The following ZFAT variants were observed in gnomAD, a reference collection of about 807,000 sequenced individuals.
ZFAT encodes zinc finger and AT-hook domain containing.
ZFAT carries 64 observed loss-of-function variants against 117.7 expected under a neutral mutation model. That is an observed-to-expected ratio of 0.54 (90% CI 0.44 to 0.67). The LOEUF is 0.67. Ranked by LOEUF, ZFAT falls within the 30% of genes least tolerant of loss-of-function variation. The pLI is 0.00. For missense variants in ZFAT, 1,433 were observed against 1,584.5 expected (o/e 0.90, Z 1.62); for synonymous variants, 679 against 615.0 (o/e 1.10, Z -1.54).
chr8:134,559,972 A>G (rs889553310), intron 11 of ZFAT, among the ~76,000 whole-genome samples: 1 of 152,248 alleles, frequency 6.6e-6, no homozygotes, highest in African/African-American at 2.4e-5. Context: ...TGTCCAGTCA[A>G]TATTTTTTTC....
chr8:134,820,278 G>A, the ZFAT span, among the ~76,000 whole-genome samples: 11 of 152,192 alleles, frequency 7.2e-5, no homozygotes, highest in African/African-American at 2.4e-4. Context: ...GCCTAGGGAT[G>A]AGATGGAGGT....
chr8:134,605,081 C>T (rs1312170790), intron 5 of ZFAT, among the ~76,000 whole-genome samples: 5 of 152,198 alleles, frequency 3.3e-5, no homozygotes, highest in African/African-American at 9.7e-5. Context: ...AGGTTCCCCT[C>T]GAGGATAGTG....
intron 11 of ZFAT, among the ~76,000 whole-genome samples, chr8:134,550,519 A>G (rs1356674819): frequency 1.3e-5 from 2 of 152,220 alleles, no homozygotes. Flanking sequence ...TCATCACAAT[A>G]AATAACAGTA....
intron 1 of ZFAT, among the ~76,000 whole-genome samples, chr8:134,663,926 T>A (rs936780426): frequency 1.3e-5 from 2 of 152,154 alleles, no homozygotes; most frequent in Admixed American, 6.5e-5. Context: ...GCCTGGCACA[T>A]GATAGGTGTT....
the ZFAT span, among the ~76,000 whole-genome samples, chr8:134,831,319 G>T: frequency 6.6e-6 from 1 of 152,214 alleles, no homozygotes; most frequent in South Asian, 2.1e-4. Context: ...CACAAGTGAA[G>T]AACTCATGTC....
intron 13 of ZFAT, among the ~76,000 whole-genome samples, chr8:134,519,251 T>G (rs796407563): frequency 2.6e-4 from 39 of 152,338 alleles, no homozygotes; most frequent in African/African-American, 8.7e-4. Context: ...AACATCTTTA[T>G]GATATTGAGT....
intron 1 of ZFAT, among the ~76,000 whole-genome samples, chr8:134,710,278 C>T (rs1300993031): frequency 6.6e-6 from 1 of 152,182 alleles, no homozygotes; most frequent in Non-Finnish European, 1.5e-5. Flanking sequence ...AGGAAGGGCC[C>T]TCATGCAAGT....
At chr8:134,486,761 A>T (rs1586560020) in intron 15 of ZFAT, among the ~76,000 whole-genome samples, 1 of 152,202 alleles carries the variant, frequency 6.6e-6, no homozygotes, top group East Asian at 1.9e-4. Flanking sequence ...GAATGTAGTG[A>T]GCACCACGAT....
the ZFAT span, among the ~76,000 whole-genome samples, chr8:134,751,795 G>A: frequency 6.6e-6 from 1 of 152,124 alleles, no homozygotes; most frequent in Admixed American, 6.5e-5. Context: ...AAATATAAGA[G>A]AGAGAGAAGT....
intron 15 of ZFAT, among the ~76,000 whole-genome samples, chr8:134,488,598 CTT>C (rs1358516377): frequency 1.3e-5 from 2 of 152,234 alleles, no homozygotes; most frequent in Admixed American, 6.5e-5. Flanking sequence ...TAGGCCCTCT[CTT>C]CTGTCCACTG....
At chr8:134,697,217 C>T (rs1337107461) in intron 1 of ZFAT, among the ~76,000 whole-genome samples, 2 of 152,080 alleles carry the variant, frequency 1.3e-5, no homozygotes, top group African/African-American at 4.8e-5. Context: ...CTGGTTCAAG[C>T]AATTATCCGC....
the ZFAT span, among the ~76,000 whole-genome samples, chr8:134,808,464 C>T: frequency 6.6e-6 from 1 of 152,180 alleles, no homozygotes; most frequent in African/African-American, 2.4e-5. Flanking sequence ...AATACCAAAT[C>T]CTGATCAGGC....
the ZFAT span, chr8:134,723,753 G>C: frequency 6.6e-6 from 1 of 152,146 alleles, no homozygotes; most frequent in South Asian, 2.1e-4. Context: ...ACAACTTGAC[G>C]AACACACATT....
At chr8:134,704,408 T>C (rs555100391) in intron 1 of ZFAT, among the ~76,000 whole-genome samples, 2 of 152,246 alleles carry the variant, frequency 1.3e-5, no homozygotes, top group South Asian at 4.2e-4. Context: ...GAAACAAACA[T>C]GGATGGAATG....
the ZFAT span, among the ~76,000 whole-genome samples, chr8:134,721,080 C>T: frequency 5.1e-4 from 77 of 152,274 alleles, no homozygotes; most frequent in Non-Finnish European, 9.1e-4. Flanking sequence ...CTCTATCATC[C>T]ACTTGTCCAG....
intron 11 of ZFAT, among the ~76,000 whole-genome samples, chr8:134,558,603 T>C (rs571913460): frequency 1.3e-3 from 204 of 152,328 alleles, no homozygotes; most frequent in Non-Finnish European, 2.4e-3. Context: ...TAGAGTGAGC[T>C]ATTTTTAAAC....
At chr8:134,504,224 C>A (rs1057355420) in intron 15 of ZFAT, among the ~76,000 whole-genome samples, 15 of 152,082 alleles carry the variant, frequency 9.9e-5, no homozygotes, top group African/African-American at 3.6e-4. Flanking sequence ...GAGCCCAACT[C>A]CCTCCCCCAC....
At chr8:134,528,716 A>G (rs976335955) in intron 12 of ZFAT, among the ~76,000 whole-genome samples, 8 of 152,196 alleles carry the variant, frequency 5.3e-5, no homozygotes, top group Admixed American at 5.2e-4. Flanking sequence ...GCCCTCTGGG[A>G]GAAGCAGCTA....
intron 11 of ZFAT, among the ~76,000 whole-genome samples, chr8:134,553,048 G>T (rs1296484628): frequency 6.6e-6 from 1 of 152,254 alleles, no homozygotes; most frequent in African/African-American, 2.4e-5. Context: ...GATGAGGAAA[G>T]AATGGTGGGG....
Sources: gnomAD v4.1 joint callset for allele counts (sites outside exome capture counted in the v4.1 genomes callset) on GRCh38, gnomAD v4.1.1 for gene constraint, MANE v1.5 for transcripts, NCBI Gene and HGNC (gene_info 2026-07-23, HGNC 2026-07-21) for gene names.